The following CKM variants were observed in gnomAD, a reference collection of about 807,000 sequenced individuals.
CKM encodes creatine kinase, M-type, also known as creatine kinase M-type.
In CKM, 28 loss-of-function variants were observed where a neutral mutation model predicts 35.4. The observed-to-expected ratio is 0.79, with a 90% CI of 0.59 to 1.08. CKM has a LOEUF of 1.08. Among genes scored for constraint, CKM ranks in the 50% least tolerant of loss-of-function variants. The pLI is 0.00. For missense variants in CKM, 484 were observed against 509.8 expected (o/e 0.95, Z 0.49); for synonymous variants, 215 against 204.4 (o/e 1.05, Z -0.44).
intron 5 of CKM, among the ~76,000 whole-genome samples, chr19:45,310,310 C>CG (rs1196365077): frequency 6.6e-6 from 1 of 151,698 alleles, no homozygotes; most frequent in Non-Finnish European, 1.5e-5. Flanking sequence ...TTAGTAGAGA[C>CG]GGGGTTTCAC....
intron 4 of CKM, 26 bp downstream of exon 4, chr19:45,315,439 G>C: frequency 6.3e-7 from 1 of 1,596,854 alleles, no homozygotes; most frequent in Non-Finnish European, 8.5e-7. Context: ...GGTGACCCCA[G>C]CAGTGGACGG....
At chr19:45,308,323 A>T (rs1031564545) in intron 6 of CKM, 86 bp downstream of exon 6, 23 of 1,511,248 alleles carry the variant, frequency 1.5e-5, no homozygotes, top group Non-Finnish European at 2.0e-5. Context: ...GGCAGGGCTT[A>T]GTATAGGGGA....
chr19:45,315,451 G>A lies in CKM; in HGVS notation c.481+14C>T. 6.3e-7 allele frequency: 1 copy of A among 1,598,200 alleles called. No homozygotes were observed. The highest frequency in any genetic ancestry group is 8.5e-7 in the Non-Finnish European group (1 of 1,179,308). Reference sequence around the variant, plus strand: ...CTGGGTGACCCCAGCAGTGGACGGGGTAGGGGCGCTCACCTTCCACAGAGA... The same window carrying A: ...CTGGGTGACCCCAGCAGTGGACGGGATAGGGGCGCTCACCTTCCACAGAGA... On this transcript the variant is annotated intron_variant, in intron 4 of 7. Coordinates refer to ENST00000221476, the MANE Select transcript of CKM (RefSeq NM_001824.5).
rs773487828 is a variant in CKM at position 45,319,609 on chromosome 19, G to A, written c.105C>T (p.Thr35=). Residue 35 remains threonine (T), a synonymous_variant, in exon 2 of 8, where the codon ACC becomes ACT. Coordinates refer to ENST00000221476, the MANE Select transcript of CKM (RefSeq NM_001824.5). ...KHNNHMAKVL[T]LELYKKLRDK... ...CCCGCAGCTTCTTGTAGAGTTCAAG[G>A]GTCAGTACCTTGGCCATGTGGTTGT... 8 of 1,613,972 alleles carry A rather than the reference G, an allele frequency of 5.0e-6. No individual in the cohort carries two copies. The Admixed American group carries it at 1.0e-4, about 20-fold the overall frequency.
chr19:45,316,099 G>A (rs1021484637), intron 3 of CKM, among the ~76,000 whole-genome samples: 11 of 152,032 alleles, frequency 7.2e-5, no homozygotes, highest in African/African-American at 2.7e-4. Context: ...GGAAGCCGAG[G>A]TGAGCCAATC....
rs1383509733 is a variant in CKM at position 45,306,536 on chromosome 19, C to T, written c.*214G>A. On this transcript the variant is annotated 3_prime_UTR_variant, in exon 8 of 8. Coordinates refer to ENST00000221476, the MANE Select transcript of CKM (RefSeq NM_001824.5). The surrounding 1 kb of genome is among the most constrained non-coding windows in gnomAD (Gnocchi z 4.5). ...GTGGAGCTCTGGGAAAAGAAGAGGA[C>T]CCTGCCAGGGAGATATTTCATTGGC... 1 of 594,278 alleles carries T rather than the reference C, an allele frequency of 1.7e-6. No individual in the cohort carries two copies. Among genetic ancestry groups the T allele is most frequent in the Non-Finnish European group, 3.0e-6 (1 of 333,746 alleles). 36.8% of individuals were successfully genotyped at this position (594,278 alleles called of 1,614,324 possible).
At chr19:45,315,386 A>C in intron 4 of CKM, 79 bp downstream of exon 4, 2 of 1,523,598 alleles carry the variant, frequency 1.3e-6, no homozygotes, top group Non-Finnish European at 1.8e-6. Context: ...GGGGGCCCAA[A>C]GAGACCCGAG....
intron 1 of CKM, among the ~76,000 whole-genome samples, chr19:45,322,234 A>G (rs1310406201): frequency 6.6e-6 from 1 of 151,382 alleles, no homozygotes; most frequent in Non-Finnish European, 1.5e-5. Flanking sequence ...CAAGAGACAT[A>G]AGCAGAAAGC....
intron 5 of CKM, among the ~76,000 whole-genome samples, chr19:45,309,097 G>A (rs375019232): frequency 1.3e-5 from 2 of 151,542 alleles, no homozygotes; most frequent in East Asian, 1.9e-4. Flanking sequence ...GCATGGTGGC[G>A]GGCATCTGTA....
chr19:45,319,471 C>T (rs1164111443), intron 2 of CKM, 50 bp downstream of exon 2: 3 of 1,508,038 alleles, frequency 2.0e-6, no homozygotes, highest in African/African-American at 2.8e-5. Flanking sequence ...TGGCCGGCAG[C>T]CTCCAGAGCC....
chr19:45,321,393 A>G (rs1971212635), intron 1 of CKM, among the ~76,000 whole-genome samples: 1 of 151,998 alleles, frequency 6.6e-6, no homozygotes, highest in Admixed American at 6.6e-5. Flanking sequence ...AAGGGAAGAA[A>G]AGCTCAGCCT....
At chr19:45,307,866 GT>G (rs34729831) in intron 6 of CKM, among the ~76,000 whole-genome samples, 4,309 of 124,136 alleles carry the variant, frequency 0.035, 168 homozygotes, top group African/African-American at 0.1. Flanking sequence ...TTGAAGGCGG[GT>G]TTTTTTTTTT....
intron 3 of CKM, among the ~76,000 whole-genome samples, chr19:45,317,414 C>A (rs762245434): frequency 6.6e-5 from 10 of 151,976 alleles, no homozygotes; most frequent in Non-Finnish European, 1.5e-4. Context: ...CAGCCTCCCA[C>A]GTAGCTGGGA....
chr19:45,315,411 G>C, intron 4 of CKM, 54 bp downstream of exon 4: 1 of 1,584,182 alleles, frequency 6.3e-7, no homozygotes, highest in Non-Finnish European at 8.6e-7. Context: ...TGCCCATGGA[G>C]GAACAGAGCC....
rs914057631 is a variant in CKM at position 45,322,846 on chromosome 19, C to T, written c.-44G>A. ...CTGGCTGGGCTGGGCTGAAGGGGGGCTGTCTGTATCCTGGAGGTGACACTG... is the reference window on the plus strand; with the variant it reads ...CTGGCTGGGCTGGGCTGAAGGGGGGTTGTCTGTATCCTGGAGGTGACACTG... On this transcript the variant is annotated 5_prime_UTR_variant, in exon 1 of 8. Coordinates refer to ENST00000221476, the MANE Select transcript of CKM (RefSeq NM_001824.5). 17 of 986,010 alleles carry T rather than the reference C, an allele frequency of 1.7e-5. No individual in the cohort carries two copies. Among genetic ancestry groups the T allele is most frequent in the Non-Finnish European group, 1.9e-5 (16 of 830,536 alleles). The allele number at this position is 986,010 out of a possible 1,614,324, so 61.1% of individuals were successfully genotyped here.
intron 2 of CKM, among the ~76,000 whole-genome samples, chr19:45,318,526 C>T (rs17875650): frequency 0.017 from 2,534 of 151,282 alleles, 29 homozygotes; most frequent in Middle Eastern, 0.037. Flanking sequence ...GTGCTGGGGG[C>T]GGGGTCAAAG....
At chr19:45,314,994 G>T (rs1971143379) in intron 4 of CKM, among the ~76,000 whole-genome samples, 1 of 152,162 alleles carries the variant, frequency 6.6e-6, no homozygotes, top group Non-Finnish European at 1.5e-5. Flanking sequence ...GAGCCACTGT[G>T]CCCGGCCTCA....
At chr19:45,317,761 C>G (rs1971172518) in intron 3 of CKM, 64 bp downstream of exon 3, 1 of 1,544,390 alleles carries the variant, frequency 6.5e-7, no homozygotes, top group Admixed American at 1.7e-5. Flanking sequence ...CTGTCTCCCC[C>G]CATTTCTCCT....
In CKM at chr19:45,306,618, AG is replaced by A; in HGVS notation, c.*131del. ...AACTCTGGTTGAAACTGGAACTCTG[AG>A]AAGGGTGGAGAGAGCCCCCAGGTGG... On this transcript the variant is annotated 3_prime_UTR_variant, in exon 8 of 8. Transcript: ENST00000221476. The surrounding 1 kb of genome is among the most constrained non-coding windows in gnomAD (Gnocchi z 4.5). The A allele has an allele frequency of 1.1e-6, 1 of 888,802 alleles. No individual in the cohort carries two copies. The highest frequency in any genetic ancestry group is 1.8e-6 in the Non-Finnish European group (1 of 553,046). 55.1% of individuals were successfully genotyped at this position (888,802 alleles called of 1,614,324 possible). A position where few individuals can be genotyped will look rare whatever the true frequency, so the allele number is the denominator to read the frequency against.
Sources: allele counts gnomAD v4.1 joint callset (sites outside exome capture counted in the v4.1 genomes callset), GRCh38; gene constraint gnomAD v4.1.1; non-coding constraint Gnocchi (gnomAD v3.1); transcripts MANE v1.5; gene names NCBI Gene and HGNC (gene_info 2026-07-23, HGNC 2026-07-21).